PTPRD: variants seen among roughly 807,000 people sequenced by gnomAD.
The protein encoded by PTPRD is protein tyrosine phosphatase receptor type D.
Under a neutral mutation model 214.5 loss-of-function variants are expected in PTPRD, and 34 were observed. The observed-to-expected ratio is 0.16, with a 90% CI of 0.12 to 0.21. The LOEUF (loss-of-function observed/expected upper bound fraction) is 0.21, where lower values mean the gene tolerates loss of function less well. PTPRD is among the 10% of genes least tolerant of loss of function. PTPRD has a pLI of 1.00. For missense variants in PTPRD, 2,545 were observed against 2,398.7 expected, an observed-to-expected ratio of 1.06 and a Z score of -1.27; for synonymous variants, 1,128 against 845.7, an observed-to-expected ratio of 1.33 and a Z score of -5.79.
chr9:10,034,379 T>C (rs1180998441), intron 3 of PTPRD, among the ~76,000 whole-genome samples: 1 of 150,442 alleles, frequency 6.6e-6, no homozygotes, highest in African/African-American at 2.4e-5. Flanking sequence ...TTTCTTCTTC[T>C]CGCACTCTGT....
intron 3 of PTPRD, among the ~76,000 whole-genome samples, chr9:10,284,586 G>T (rs549428539): frequency 6.6e-6 from 1 of 152,298 alleles, no homozygotes; most frequent in African/African-American, 2.4e-5. Flanking sequence ...TTATCTCATA[G>T]TTCTTGTGGG....
At chr9:10,041,773 A>C (rs2097300690) in intron 3 of PTPRD, among the ~76,000 whole-genome samples, 1 of 152,050 alleles carries the variant, frequency 6.6e-6, no homozygotes, top group South Asian at 2.1e-4. Context: ...ATTGCTTTGG[A>C]CAAAGAAAAA....
intron 4 of PTPRD, among the ~76,000 whole-genome samples, chr9:9,971,091 C>A (rs1022776305): frequency 2.0e-5 from 3 of 151,940 alleles, no homozygotes; most frequent in Non-Finnish European, 2.9e-5. Context: ...CTATTTGTCA[C>A]CCTGCCTAAA....
chr9:9,947,497 A>C (rs2092852451), intron 4 of PTPRD, among the ~76,000 whole-genome samples: 1 of 33,222 alleles, frequency 3.0e-5, no homozygotes, highest in Non-Finnish European at 4.8e-5. Flanking sequence ...TATATTATAT[A>C]TATTTTATAT....
intron 3 of PTPRD, among the ~76,000 whole-genome samples, chr9:10,117,416 A>T (rs1015475231): frequency 6.6e-6 from 1 of 152,120 alleles, no homozygotes; most frequent in South Asian, 2.1e-4. Context: ...TACAAAAACA[A>T]GAAAAATTTA....
chr9:8,807,511 G>C (rs1242144784), intron 11 of PTPRD, among the ~76,000 whole-genome samples: 1 of 151,502 alleles, frequency 6.6e-6, no homozygotes, highest in South Asian at 2.1e-4. Flanking sequence ...CTACACATGA[G>C]GAGAGAATTA....
chr9:9,681,573 T>A (rs1292679980), intron 7 of PTPRD, among the ~76,000 whole-genome samples: 2 of 151,724 alleles, frequency 1.3e-5, no homozygotes, highest in Non-Finnish European at 1.5e-5. Flanking sequence ...CCTCCCCATG[T>A]GACCTTTTCT....
chr9:9,280,410 A>G (rs1228751928), intron 9 of PTPRD, among the ~76,000 whole-genome samples: 1 of 151,314 alleles, frequency 6.6e-6, no homozygotes, highest in Non-Finnish European at 1.5e-5. Flanking sequence ...TCTTCCTGAA[A>G]CCAGTAAGTG....
chr9:8,969,769 T>C (rs911381357), intron 11 of PTPRD, among the ~76,000 whole-genome samples: 23 of 151,926 alleles, frequency 1.5e-4, no homozygotes, highest in African/African-American at 5.3e-4. Flanking sequence ...TATGATCTCA[T>C]ACCTTTGCCC....
chr9:9,724,371 A>T (rs2098035573), intron 7 of PTPRD, among the ~76,000 whole-genome samples: 1 of 152,184 alleles, frequency 6.6e-6, no homozygotes, highest in Non-Finnish European at 1.5e-5. Flanking sequence ...AGCTCAACTC[A>T]ATAAACATAG....
At chr9:9,446,690 CT>C (rs1262397361) in intron 8 of PTPRD, among the ~76,000 whole-genome samples, 1 of 152,116 alleles carries the variant, frequency 6.6e-6, no homozygotes, top group Non-Finnish European at 1.5e-5. Flanking sequence ...TAAAGAGCTT[CT>C]GTACAGCAAA....
At chr9:10,574,337 A>G (rs1483901766) in intron 2 of PTPRD, among the ~76,000 whole-genome samples, 1 of 152,092 alleles carries the variant, frequency 6.6e-6, no homozygotes, top group Non-Finnish European at 1.5e-5. Flanking sequence ...AGGAAAGCAT[A>G]AGAGGAACCG....
chr9:8,979,888 C>T (rs2099299475), intron 11 of PTPRD, among the ~76,000 whole-genome samples: 1 of 151,986 alleles, frequency 6.6e-6, no homozygotes, highest in African/African-American at 2.4e-5. Flanking sequence ...ATGAAATCAC[C>T]ACTTTGAAAA....
At chr9:10,607,908 G>A (rs928427840) in intron 2 of PTPRD, among the ~76,000 whole-genome samples, 2 of 151,872 alleles carry the variant, frequency 1.3e-5, no homozygotes, top group Non-Finnish European at 2.9e-5. Context: ...TGATAATGTA[G>A]TTAGAGGTGT....
chr9:9,843,164 T>C (rs2058731412), intron 5 of PTPRD, among the ~76,000 whole-genome samples: 1 of 152,092 alleles, frequency 6.6e-6, no homozygotes, highest in African/African-American at 2.4e-5. Flanking sequence ...TTCAAATATT[T>C]ATTCCCTAGG....
chr9:8,712,723 TG>T (rs1444664552), intron 12 of PTPRD, among the ~76,000 whole-genome samples: 1 of 110,530 alleles, frequency 9.0e-6, no homozygotes, highest in East Asian at 2.8e-4. Context: ...AATTCTTTTT[TG>T]GGGGGTGGGG....
At chr9:9,338,457 G>C (rs2045469098) in intron 9 of PTPRD, among the ~76,000 whole-genome samples, 1 of 151,950 alleles carries the variant, frequency 6.6e-6, no homozygotes, top group Non-Finnish European at 1.5e-5. Flanking sequence ...AAAGGCTTTA[G>C]GTTTTTTTAG....
intron 35 of PTPRD, among the ~76,000 whole-genome samples, chr9:8,422,637 A>T (rs559992614): frequency 1.2e-4 from 19 of 152,194 alleles, no homozygotes; most frequent in Non-Finnish European, 2.6e-4. Context: ...CTGAATTTAA[A>T]CTTAAACCTC....
Position 8,798,507 on chromosome 9 carries a change from T to A in PTPRD, c.-103-64561A>T, listed in dbSNP as rs1395796996. On this transcript the variant is annotated intron_variant, in intron 11 of 45. Coordinates refer to ENST00000381196, the MANE Select transcript of PTPRD (RefSeq NM_002839.4). ...CAGGAAAAAGATTATAAATGGAAGATGTTTAAATCTACCCAAATCATTCTG... is the reference window on the plus strand; with the variant it reads ...CAGGAAAAAGATTATAAATGGAAGAAGTTTAAATCTACCCAAATCATTCTG... Among the ~76,000 whole-genome samples, 3 of 152,326 alleles carry A rather than the reference T, an allele frequency of 2.0e-5. No individual in the cohort carries two copies. In the East Asian group the frequency reaches 5.8e-4, roughly 29 times the overall value.
Sources: allele counts gnomAD v4.1 joint callset (sites outside exome capture counted in the v4.1 genomes callset), GRCh38; gene constraint gnomAD v4.1.1; transcripts MANE v1.5; gene names NCBI Gene and HGNC (gene_info 2026-07-23, HGNC 2026-07-21).